Variants in VTCN1 observed in about 807,000 individuals in gnomAD.
The protein encoded by VTCN1 is V-set domain-containing T-cell activation inhibitor 1.
In VTCN1, 26 loss-of-function variants were observed where a neutral mutation model predicts 26.5. That is an observed-to-expected ratio of 0.98 (90% confidence interval 0.72 to 1.36). VTCN1 has a LOEUF of 1.36. Among genes scored for constraint, VTCN1 ranks in the 40% most tolerant of loss-of-function variants. VTCN1 has a pLI of 0.00. For synonymous variants in VTCN1, 116 were observed against 130.7 expected (o/e 0.89, Z 0.77); for missense variants, 298 against 337.7 (o/e 0.88, Z 0.92).
At position 117,183,843 on chromosome 1, in the gene VTCN1, C is replaced by A. The variant is rs1647791613; in HGVS notation, c.33-13672G>T. ...ACATTTTTGGGTACTTCATTTTTGC[C>A]AGCAAGAAAAATGAGGGAGATTTGC... On this transcript the variant is annotated intron_variant, in intron 1 of 5. Coordinates refer to ENST00000369458, the MANE Select transcript of VTCN1 (RefSeq NM_024626.4). This position sits in a 1 kb window ranked among gnomAD's most constrained non-coding sequence, Gnocchi z 4.1. Among the ~76,000 whole-genome samples the A allele has an allele frequency of 6.6e-6, 1 of 151,996 alleles. No individual in the cohort carries two copies. The highest frequency in any genetic ancestry group is 2.1e-4 in the South Asian group (1 of 4,816).
intron 1 of VTCN1, among the ~76,000 whole-genome samples, chr1:117,191,650 C>T (rs1648250119): frequency 6.6e-6 from 1 of 152,156 alleles, no homozygotes; most frequent in African/African-American, 2.4e-5. Context: ...GGCATGGTGG[C>T]ACATGCCTGT....
At chr1:117,148,601 A>G (rs1012070134) in intron 4 of VTCN1, among the ~76,000 whole-genome samples, 2 of 152,208 alleles carry the variant, frequency 1.3e-5, no homozygotes, top group African/African-American at 4.8e-5. Context: ...CTAGATTTCC[A>G]GTTGCTGCTA....
At chr1:117,199,793 G>A (rs1479627809) in intron 1 of VTCN1, among the ~76,000 whole-genome samples, 6 of 151,742 alleles carry the variant, frequency 4.0e-5, no homozygotes, top group South Asian at 2.1e-4. Context: ...GTGCCACCAC[G>A]CCTGGCTAAT....
chr1:117,178,110 C>A (rs1184124227), intron 1 of VTCN1, among the ~76,000 whole-genome samples: 5 of 151,466 alleles, frequency 3.3e-5, no homozygotes, highest in Non-Finnish European at 7.4e-5. Context: ...AATTAAAAAA[C>A]AAAAAATTTG....
chr1:117,161,496 G>A lies in VTCN1; in HGVS notation c.98-4575C>T, dbSNP rs1652367920. Among the ~76,000 whole-genome samples, 1 of 152,062 alleles carries A rather than the reference G, an allele frequency of 6.6e-6. No homozygotes were observed. Among genetic ancestry groups the A allele is most frequent in the East Asian group, 1.9e-4 (1 of 5,202 alleles). On this transcript the variant is annotated intron_variant, in intron 2 of 5. Transcript: ENST00000369458. This position sits in a 1 kb window ranked among gnomAD's most constrained non-coding sequence, Gnocchi z 4.3. ...TTATAGCAGCTGTCTCCCTCTACCT[G>A]GTCTCTAATCTATCTCTGGAACTAG... is the stretch of plus-strand genomic sequence containing the variant.
In VTCN1 at chr1:117,161,736, T is replaced by C. The variant is rs1200224642; in HGVS notation, c.98-4815A>G. 3.9e-5 allele frequency among the ~76,000 whole-genome samples: 6 copies of C among 152,154 alleles called. No homozygotes were observed. Among genetic ancestry groups the C allele is most frequent in the African/African-American group, 1.4e-4 (6 of 41,444 alleles). On this transcript the variant is annotated intron_variant, in intron 2 of 5. Coordinates refer to ENST00000369458, the MANE Select transcript of VTCN1 (RefSeq NM_024626.4). This position sits in a 1 kb window ranked among gnomAD's most constrained non-coding sequence, Gnocchi z 4.3. Reference sequence around the variant, plus strand: ...TTGGCAGGATTACCACATCTAAACTTTGGGGAAATGTGATCCAATGAAAAG... The same window carrying C: ...TTGGCAGGATTACCACATCTAAACTCTGGGGAAATGTGATCCAATGAAAAG...
At chr1:117,157,092 G>GATATACATATATATATATATATATATAT (rs1652123761) in intron 2 of VTCN1, 171 bp from the exon 3 acceptor site, 1 of 518,694 alleles carries the variant, frequency 1.9e-6, no homozygotes, top group Admixed American at 2.9e-5. Context: ...CAATCATTTT[G>GATATACATATATATATATATATATATAT]ATATATATAT....
intron 1 of VTCN1, among the ~76,000 whole-genome samples, chr1:117,178,562 C>CTTCAGTG (rs1647500883): frequency 6.9e-6 from 1 of 145,408 alleles, no homozygotes; most frequent in Non-Finnish European, 1.5e-5. Context: ...CGCACCTGGC[C>CTTCAGTG]TTCAGTGTTT....
rs115544199 is a variant in VTCN1 at position 117,188,879 on chromosome 1, C to G, written c.33-18708G>C. The stretch of plus-strand genomic sequence containing the variant: ...GTTTTATGTGAACAATTACAATTAA[C>G]TAAATATAAACACACATTTAGAAAT... On this transcript the variant is annotated intron_variant, in intron 1 of 5. Coordinates refer to ENST00000369458, the MANE Select transcript of VTCN1 (RefSeq NM_024626.4). 3.8e-3 allele frequency among the ~76,000 whole-genome samples: 584 copies of G among 152,206 alleles called. 3 individuals carry two copies. The highest frequency in any genetic ancestry group is 0.014 in the African/African-American group (563 of 41,542).
Position 117,147,673 on chromosome 1 carries a change from G to C in VTCN1, c.834C>G (p.Tyr278Ter). The C allele has an allele frequency of 6.2e-7, 1 of 1,613,846 alleles. No homozygotes were observed. Among genetic ancestry groups the C allele is most frequent in the South Asian group, 1.1e-5 (1 of 91,066 alleles). Residue 278 changes from tyrosine to a stop codon, truncating the protein, a stop_gained, in exon 5 of 6, where the codon TAC (tyrosine) becomes TAG (stop). Coordinates refer to ENST00000369458, the MANE Select transcript of VTCN1 (RefSeq NM_024626.4). LOFTEE classifies it high-confidence loss of function. The surrounding 1 kb of genome is among the most constrained non-coding windows in gnomAD (Gnocchi z 4.6). ...ISWALLPLSPYLMLK is the reference protein window; with the variant it reads ...ISWALLPLSP ...CCGAGGCACATTATTTTAGCATCAGGTAAGGGCTGAGAGGCAGAAGTGCCC... is the reference window on the plus strand; with the variant it reads ...CCGAGGCACATTATTTTAGCATCAGCTAAGGGCTGAGAGGCAGAAGTGCCC...
intron 2 of VTCN1, among the ~76,000 whole-genome samples, chr1:117,166,221 T>C (rs1175234314): frequency 6.6e-6 from 1 of 152,202 alleles, no homozygotes. Flanking sequence ...GGAAAAGATA[T>C]AAGTAGCAAA....
chr1:117,195,534 G>A (rs909714670), intron 1 of VTCN1, among the ~76,000 whole-genome samples: 3 of 151,978 alleles, frequency 2.0e-5, no homozygotes, highest in Non-Finnish European at 4.4e-5. Context: ...GCTAAGAAAC[G>A]AGAAAGAAAA....
rs942002617 is a variant in VTCN1 at position 117,159,489 on chromosome 1, C to T, written c.98-2568G>A. Among the ~76,000 whole-genome samples, 6 of 152,208 alleles carry T rather than the reference C, an allele frequency of 3.9e-5. No homozygotes were observed. The highest frequency in any genetic ancestry group is 1.4e-4 in the African/African-American group (6 of 41,454). On this transcript the variant is annotated intron_variant, in intron 2 of 5. Transcript: ENST00000369458. The surrounding 1 kb of genome is among the most constrained non-coding windows in gnomAD (Gnocchi z 4.7). ...ATGATCTCCCACCAGGTCCCTCCCA[C>T]AACACATGGGAATTATGGGAGTATA...
In VTCN1 at chr1:117,155,685, G is replaced by A. The variant is rs761877265; in HGVS notation, c.445+889C>T. ...TACACAGGTCTGATTCTAGATCTGA[G>A]CTTCGAATCATTGCATATGCATGTT... On this transcript the variant is annotated intron_variant, in intron 3 of 5. Coordinates refer to ENST00000369458, the MANE Select transcript of VTCN1 (RefSeq NM_024626.4). The surrounding 1 kb of genome is among the most constrained non-coding windows in gnomAD (Gnocchi z 4.8). Among the ~76,000 whole-genome samples, 10 of 152,116 alleles carry A rather than the reference G, an allele frequency of 6.6e-5. No individual in the cohort carries two copies. The highest frequency in any genetic ancestry group is 3.9e-4 in the Admixed American group (6 of 15,274).
At chr1:117,168,361 A>G (rs1652720870) in intron 2 of VTCN1, among the ~76,000 whole-genome samples, 1 of 152,220 alleles carries the variant, frequency 6.6e-6, no homozygotes, top group Non-Finnish European at 1.5e-5. Flanking sequence ...GGATACCATA[A>G]GGAAAAAATG....
intron 1 of VTCN1, among the ~76,000 whole-genome samples, chr1:117,171,381 G>A (rs1652910181): frequency 6.6e-6 from 1 of 152,188 alleles, no homozygotes; most frequent in Non-Finnish European, 1.5e-5. Flanking sequence ...TAATGGGATT[G>A]CTGGGTCAAA....
chr1:117,170,876 A>C (rs1652873568), intron 1 of VTCN1, among the ~76,000 whole-genome samples: 1 of 152,152 alleles, frequency 6.6e-6, no homozygotes, highest in African/African-American at 2.4e-5. Context: ...TCTGGGATAC[A>C]TGTGCAGAAC....
intron 1 of VTCN1, among the ~76,000 whole-genome samples, chr1:117,198,387 T>C (rs1648619293): frequency 6.6e-6 from 1 of 152,202 alleles, no homozygotes; most frequent in African/African-American, 2.4e-5. Flanking sequence ...TTCCAGATAG[T>C]GGGACAGTGG....
At chr1:117,164,355 G>A (rs1395670404) in intron 2 of VTCN1, among the ~76,000 whole-genome samples, 1 of 151,746 alleles carries the variant, frequency 6.6e-6, no homozygotes, top group Non-Finnish European at 1.5e-5. Flanking sequence ...AGTTCTGGCA[G>A]GGGGGTGGGG....
Sources: gnomAD v4.1 joint callset for allele counts (sites outside exome capture counted in the v4.1 genomes callset) on GRCh38, gnomAD v4.1.1 for gene constraint, Gnocchi (gnomAD v3.1) non-coding constraint, MANE v1.5 for transcripts, NCBI Gene and HGNC (gene_info 2026-07-23, HGNC 2026-07-21) for gene names.